PTPRD: variants seen among roughly 807,000 people sequenced by gnomAD.
The protein encoded by PTPRD is receptor-type tyrosine-protein phosphatase delta.
In PTPRD, 34 loss-of-function variants were observed where a neutral mutation model predicts 214.5. The ratio of observed to expected loss-of-function variants is 0.16; its 90% CI spans 0.12 to 0.21. The LOEUF (loss-of-function observed/expected upper bound fraction) is 0.21. Ranked by LOEUF, PTPRD falls within the 10% of genes least tolerant of loss-of-function variation. The pLI is 1.00. For missense variants in PTPRD, 2,545 were observed against 2,398.7 expected (o/e 1.06, Z -1.27); for synonymous variants, 1,128 against 845.7 (o/e 1.33, Z -5.79).
chr9:10,244,515 A>C (rs575174539), intron 3 of PTPRD, among the ~76,000 whole-genome samples: 1 of 152,278 alleles, frequency 6.6e-6, no homozygotes, highest in East Asian at 1.9e-4. Flanking sequence ...TTTATAGTCA[A>C]AACAAATTTC....
intron 5 of PTPRD, among the ~76,000 whole-genome samples, chr9:9,869,138 ATACT>A (rs1302210398): frequency 6.6e-6 from 1 of 152,168 alleles, no homozygotes; most frequent in African/African-American, 2.4e-5. Context: ...ATGAGGACAG[ATACT>A]TACTTTTTTA....
chr9:9,949,895 C>T (rs769228663), intron 4 of PTPRD, among the ~76,000 whole-genome samples: 3 of 152,136 alleles, frequency 2.0e-5, no homozygotes, highest in African/African-American at 4.8e-5. Flanking sequence ...CATGGCTCTT[C>T]TGAAGCCAGT....
intron 10 of PTPRD, among the ~76,000 whole-genome samples, chr9:9,082,089 G>A (rs1477259465): frequency 6.7e-6 from 1 of 149,624 alleles, no homozygotes; most frequent in African/African-American, 2.5e-5. Context: ...GAAAAAGACG[G>A]ACTCCTCCCT....
chr9:10,361,998 A>T (rs980997627), intron 2 of PTPRD, among the ~76,000 whole-genome samples: 8 of 152,136 alleles, frequency 5.3e-5, no homozygotes, highest in African/African-American at 1.9e-4. Context: ...AGATGTCAGC[A>T]TTTTCATGTT....
chr9:10,203,232 G>T (rs914180290), intron 3 of PTPRD, among the ~76,000 whole-genome samples: 1 of 147,944 alleles, frequency 6.8e-6, no homozygotes, highest in Non-Finnish European at 1.5e-5. Context: ...ATGTGTTATT[G>T]GTTTTTACCT....
intron 3 of PTPRD, among the ~76,000 whole-genome samples, chr9:10,104,748 G>A (rs1020208156): frequency 2.6e-5 from 4 of 151,830 alleles, no homozygotes; most frequent in Non-Finnish European, 4.4e-5. Flanking sequence ...CAGTAAAATG[G>A]TCAAAATTAT....
chr9:8,813,368 A>G (rs1180556064), intron 11 of PTPRD, among the ~76,000 whole-genome samples: 1 of 152,174 alleles, frequency 6.6e-6, no homozygotes, highest in Non-Finnish European at 1.5e-5. Flanking sequence ...AAGAAGCTAC[A>G]AACAGAATGC....
At chr9:8,323,069 C>G (rs1181785547) in intron 44 of PTPRD, among the ~76,000 whole-genome samples, 2 of 152,154 alleles carry the variant, frequency 1.3e-5, no homozygotes, top group African/African-American at 2.4e-5. Context: ...AGCTCGACCT[C>G]TTGTACCAAA....
intron 14 of PTPRD, among the ~76,000 whole-genome samples, chr9:8,537,871 A>G (rs922776076): frequency 3.9e-5 from 6 of 152,162 alleles, no homozygotes; most frequent in South Asian, 2.1e-4. Context: ...TTTAATTATC[A>G]TTTGTCTAAA....
At chr9:9,763,389 T>C (rs945756982) in intron 6 of PTPRD, among the ~76,000 whole-genome samples, 5 of 152,168 alleles carry the variant, frequency 3.3e-5, no homozygotes, top group Non-Finnish European at 7.3e-5. Context: ...CTGTTTTACA[T>C]ACATAATATA....
At chr9:9,965,647 T>C (rs1049823008) in intron 4 of PTPRD, among the ~76,000 whole-genome samples, 9 of 152,214 alleles carry the variant, frequency 5.9e-5, no homozygotes, top group African/African-American at 1.7e-4. Flanking sequence ...ACTTGTTTCC[T>C]AAGAATTATC....
intron 9 of PTPRD, among the ~76,000 whole-genome samples, chr9:9,238,627 A>G (rs1041052928): frequency 1.3e-5 from 2 of 152,094 alleles, no homozygotes; most frequent in Admixed American, 1.3e-4. Flanking sequence ...GAAAAATATG[A>G]CTTCCATTTT....
intron 9 of PTPRD, among the ~76,000 whole-genome samples, chr9:9,388,663 A>C (rs1010615517): frequency 1.3e-5 from 2 of 152,210 alleles, no homozygotes; most frequent in Non-Finnish European, 2.9e-5. Context: ...TTGTACCAGG[A>C]AAGTTTTAAA....
At chr9:9,009,022 T>C (rs1000060892) in intron 11 of PTPRD, among the ~76,000 whole-genome samples, 1 of 152,152 alleles carries the variant, frequency 6.6e-6, no homozygotes, top group Non-Finnish European at 1.5e-5. Context: ...AGATGAAATC[T>C]ATTTGAAAGA....
At chr9:10,014,568 A>T (rs1006661237) in intron 4 of PTPRD, among the ~76,000 whole-genome samples, 5 of 152,034 alleles carry the variant, frequency 3.3e-5, no homozygotes, top group African/African-American at 9.7e-5. Context: ...TTTTATTTAC[A>T]TGTCATTAAC....
intron 8 of PTPRD, among the ~76,000 whole-genome samples, chr9:9,458,433 A>T (rs1020194013): frequency 8.5e-5 from 13 of 152,080 alleles, no homozygotes; most frequent in African/African-American, 3.1e-4. Context: ...TGATAGGTTG[A>T]TTTAAGATTT....
At chr9:9,103,928 A>T (rs1316453413) in intron 10 of PTPRD, among the ~76,000 whole-genome samples, 1 of 152,158 alleles carries the variant, frequency 6.6e-6, no homozygotes, top group Non-Finnish European at 1.5e-5. Context: ...GGTTGCAGCG[A>T]GCCAAGATGT....
At chr9:9,759,765 G>T (rs977276692) in intron 6 of PTPRD, among the ~76,000 whole-genome samples, 1 of 151,654 alleles carries the variant, frequency 6.6e-6, no homozygotes, top group East Asian at 2.0e-4. Context: ...CACCATGTTG[G>T]CCAGGCTGGT....
chr9:9,085,340 C>T (rs986745999), intron 10 of PTPRD, among the ~76,000 whole-genome samples: 139 of 152,278 alleles, frequency 9.1e-4, no homozygotes, highest in African/African-American at 3.3e-3. Flanking sequence ...TTACTTCCTT[C>T]TCTCTCAGAG....
Sources: allele counts gnomAD v4.1 joint callset (sites outside exome capture counted in the v4.1 genomes callset), GRCh38; gene constraint gnomAD v4.1.1; transcripts MANE v1.5; gene names NCBI Gene and HGNC (gene_info 2026-07-23, HGNC 2026-07-21).